BMPR1B: variants seen among roughly 807,000 people sequenced by gnomAD.
The protein encoded by BMPR1B is bone morphogenetic protein receptor type-1B.
Under a neutral mutation model 59.1 loss-of-function variants are expected in BMPR1B, and 12 were observed. The ratio of observed to expected loss-of-function variants is 0.20; its 90% CI spans 0.13 to 0.33. The LOEUF (loss-of-function observed/expected upper bound fraction) is 0.33. BMPR1B is among the 10% of genes least tolerant of loss of function. The pLI, the probability that BMPR1B is intolerant of heterozygous loss-of-function variation, is 1.00. For synonymous variants in BMPR1B, 237 were observed against 207.3 expected (o/e 1.14, Z -1.23); for missense variants, 550 against 610.9 (o/e 0.90, Z 1.05).
At chr4:94,794,856 T>C (rs865938027) in intron 1 of BMPR1B, among the ~76,000 whole-genome samples, 9 of 145,762 alleles carry the variant, frequency 6.2e-5, no homozygotes, top group African/African-American at 2.1e-4. Flanking sequence ...TTGTGATTTT[T>C]GTACATTGAT....
chr4:94,912,416 C>T (rs748967570), intron 2 of BMPR1B, among the ~76,000 whole-genome samples: 23 of 152,236 alleles, frequency 1.5e-4, no homozygotes, highest in Middle Eastern at 3.4e-3. Flanking sequence ...AGCTGATAGA[C>T]ACTCCACTTT....
intron 1 of BMPR1B, among the ~76,000 whole-genome samples, chr4:94,831,336 G>C (rs371075758): frequency 3.3e-5 from 5 of 151,392 alleles, no homozygotes; most frequent in African/African-American, 1.2e-4. Flanking sequence ...TAAGCTAAAT[G>C]TTCCTGCAAA....
At chr4:95,098,396 G>T (rs1730580471) in intron 3 of BMPR1B, among the ~76,000 whole-genome samples, 1 of 152,048 alleles carries the variant, frequency 6.6e-6, no homozygotes, top group Non-Finnish European at 1.5e-5. Context: ...GCTGGATTTT[G>T]TACAACTTCA....
intron 3 of BMPR1B, among the ~76,000 whole-genome samples, chr4:95,055,735 G>C (rs888659475): frequency 6.6e-6 from 1 of 152,070 alleles, no homozygotes; most frequent in Non-Finnish European, 1.5e-5. Flanking sequence ...AAATTATTTG[G>C]TTTCACCTTT....
chr4:94,818,446 G>C (rs77437195), intron 1 of BMPR1B, among the ~76,000 whole-genome samples: 17,917 of 152,188 alleles, frequency 0.12, 1,119 homozygotes, highest in Non-Finnish European at 0.13. Context: ...GTTTGAGGCA[G>C]AGCTGCATCT....
At chr4:94,763,333 A>G (rs755738728) in intron 1 of BMPR1B, among the ~76,000 whole-genome samples, 3 of 152,354 alleles carry the variant, frequency 2.0e-5, no homozygotes, top group Non-Finnish European at 4.4e-5. Context: ...GATGTTACAC[A>G]TCATTGTACT....
chr4:94,907,568 G>A (rs758961653), intron 2 of BMPR1B, among the ~76,000 whole-genome samples: 2 of 151,924 alleles, frequency 1.3e-5, no homozygotes, highest in Admixed American at 1.3e-4. Context: ...CTATTAAGAT[G>A]TAAATCAAGA....
In BMPR1B at chr4:95,125,110, C is replaced by G; in HGVS notation, c.574C>G (p.Leu192Val). 1 of 1,613,670 alleles carries G rather than the reference C, an allele frequency of 6.2e-7. No homozygotes were observed. The highest frequency in any genetic ancestry group is 8.5e-7 in the Non-Finnish European group (1 of 1,179,748). The stretch of plus-strand genomic sequence containing the variant: ...TCAGAGCTCAGGAAGTGGATCAGGC[C>G]TCCCTCTGCTGGTATGAGAAGAACA... ...QSQSSGSGSG[L>V]PLLVQRTIAK... The change falls in exon 8 of 13, where the codon CTC becomes GTC. Residue 192 changes from leucine (L) to valine (V), a missense_variant. Leu to Val is a conservative substitution (Grantham distance 32). Transcript: ENST00000515059.
chr4:94,985,380 C>G (rs894032144), intron 2 of BMPR1B, among the ~76,000 whole-genome samples: 1 of 152,010 alleles, frequency 6.6e-6, no homozygotes, highest in Non-Finnish European at 1.5e-5. Context: ...AGAATATACT[C>G]AAGAATCTCG....
intron 11 of BMPR1B, among the ~76,000 whole-genome samples, chr4:95,151,866 TAAG>T (rs1471695473): frequency 6.6e-6 from 1 of 152,194 alleles, no homozygotes; most frequent in East Asian, 1.9e-4. Context: ...GAGTTAATCT[TAAG>T]AAGGTGAAAA....
intron 2 of BMPR1B, among the ~76,000 whole-genome samples, chr4:94,889,929 G>A (rs6820744): frequency 0.18 from 26,976 of 151,816 alleles, 2,522 homozygotes; most frequent in South Asian, 0.22. Context: ...TAGTCACATG[G>A]CAGGTTGTAT....
intron 3 of BMPR1B, among the ~76,000 whole-genome samples, chr4:95,049,419 G>GTTTTTTTTTTT (rs761496965): frequency 3.9e-5 from 3 of 77,404 alleles, no homozygotes; most frequent in African/African-American, 5.2e-5. Flanking sequence ...CAGCATAAAA[G>GTTTTTTTTTTT]TTTTTTTTTT....
intron 3 of BMPR1B, among the ~76,000 whole-genome samples, chr4:95,051,977 G>C (rs1726540530): frequency 6.6e-6 from 1 of 152,170 alleles, no homozygotes; most frequent in Non-Finnish European, 1.5e-5. Context: ...TAATTTTAAA[G>C]AGACTTAACA....
chr4:94,822,508 G>A (rs1724243871), intron 1 of BMPR1B, among the ~76,000 whole-genome samples: 1 of 152,116 alleles, frequency 6.6e-6, no homozygotes, highest in Non-Finnish European at 1.5e-5. Context: ...AGAATGAGGA[G>A]CAAAATGGAT....
intron 6 of BMPR1B, 30 bp from the exon 7 acceptor site, chr4:95,123,780 G>T (rs1320221248): frequency 2.7e-6 from 4 of 1,492,576 alleles, no homozygotes; most frequent in Non-Finnish European, 3.7e-6. Context: ...ATATTCTCTT[G>T]ATTATGGCTC....
chr4:94,806,960 TAAA>T (rs1359550123), intron 1 of BMPR1B, among the ~76,000 whole-genome samples: 2 of 152,128 alleles, frequency 1.3e-5, no homozygotes, highest in East Asian at 1.9e-4. Flanking sequence ...AAGTTCATAA[TAAA>T]TAATAAATAG....
At chr4:94,866,261 G>A (rs1159145943) in intron 1 of BMPR1B, among the ~76,000 whole-genome samples, 2 of 152,056 alleles carry the variant, frequency 1.3e-5, no homozygotes, top group Non-Finnish European at 1.5e-5. Flanking sequence ...CTCTGACCAA[G>A]GAAATAGAGG....
At chr4:95,057,990 A>G (rs1727056620) in intron 3 of BMPR1B, among the ~76,000 whole-genome samples, 1 of 152,186 alleles carries the variant, frequency 6.6e-6, no homozygotes, top group South Asian at 2.1e-4. Flanking sequence ...TTACTCTGTA[A>G]AAAAAGATGC....
intron 3 of BMPR1B, among the ~76,000 whole-genome samples, chr4:95,085,332 A>C (rs1729495559): frequency 6.6e-6 from 1 of 152,150 alleles, no homozygotes; most frequent in South Asian, 2.1e-4. Flanking sequence ...ACAGTTCGCA[A>C]ACAGGAGTTG....
Sources: allele counts gnomAD v4.1 joint callset (sites outside exome capture counted in the v4.1 genomes callset), GRCh38; gene constraint gnomAD v4.1.1; transcripts MANE v1.5; gene names NCBI Gene and HGNC (gene_info 2026-07-23, HGNC 2026-07-21).